ACO1: variants seen among roughly 807,000 people sequenced by gnomAD.
ACO1 encodes the protein aconitase 1.
In ACO1, 78 loss-of-function variants were observed where a neutral mutation model predicts 105.1. That is an observed-to-expected ratio of 0.74 (90% confidence interval 0.62 to 0.90). The LOEUF (loss-of-function observed/expected upper bound fraction) is 0.90. Ranked by LOEUF, ACO1 falls within the 40% of genes least tolerant of loss-of-function variation. The pLI is 0.00. For synonymous variants in ACO1, 364 were observed against 397.4 expected, an observed-to-expected ratio of 0.92 and a Z score of 1.00; for missense variants, 965 against 1,111.1, an observed-to-expected ratio of 0.87 and a Z score of 1.87.
intron 15 of ACO1, 130 bp from the exon 16 acceptor site, chr9:32,433,598 T>G: frequency 1.5e-6 from 1 of 656,176 alleles, no homozygotes. Context: ...AAGGAACTCT[T>G]GTATGTGGCT....
intron 1 of ACO1, among the ~76,000 whole-genome samples, chr9:32,393,940 CG>C (rs1821319213): frequency 6.6e-6 from 1 of 152,098 alleles, no homozygotes. Context: ...ATACCCCTAC[CG>C]GAATGATCTC....
At position 32,424,677 on chromosome 9, in the gene ACO1, C is replaced by G; in HGVS notation, c.1188+12C>G. On this transcript the variant is annotated intron_variant, in intron 10 of 20. Coordinates refer to ENST00000309951, the MANE Select transcript of ACO1 (RefSeq NM_002197.3). Reference sequence around the variant, plus strand: ...GCCTTGGAGCCAAGGTAGGGGCCTGCGGGAAGAGGTTGAATCCTCTCAACT... The same window carrying G: ...GCCTTGGAGCCAAGGTAGGGGCCTGGGGGAAGAGGTTGAATCCTCTCAACT... 1 of 1,583,068 alleles carries G rather than the reference C, an allele frequency of 6.3e-7. No homozygotes were observed. Among genetic ancestry groups the G allele is most frequent in the Non-Finnish European group, 8.7e-7 (1 of 1,153,570 alleles).
At chr9:32,425,274 T>C (rs1339608941) in intron 10 of ACO1, among the ~76,000 whole-genome samples, 2 of 152,222 alleles carry the variant, frequency 1.3e-5, no homozygotes, top group Non-Finnish European at 2.9e-5. Flanking sequence ...TTACATGCGG[T>C]AGATTTTCAA....
In ACO1 at chr9:32,408,655, A is replaced by T; in HGVS notation, c.404+4A>T. On this transcript the variant is annotated splice_donor_region_variant and intron_variant, in intron 4 of 20. Coordinates refer to ENST00000309951, the MANE Select transcript of ACO1 (RefSeq NM_002197.3). ...TCCAGGTTGATTTCAACAGAAGGTG[A>T]GAGATTAAAACGAATACCTGAGTGT... is the stretch of plus-strand genomic sequence containing the variant. 1 of 1,613,904 alleles carries T rather than the reference A, an allele frequency of 6.2e-7. No homozygotes were observed. Among genetic ancestry groups the T allele is most frequent in the Non-Finnish European group, 8.5e-7 (1 of 1,179,928 alleles).
At chr9:32,416,293 C>T (rs1177622121) in intron 4 of ACO1, among the ~76,000 whole-genome samples, 2 of 151,976 alleles carry the variant, frequency 1.3e-5, no homozygotes, top group East Asian at 1.9e-4. Context: ...TGGGGTTTCA[C>T]CATGTTGGCC....
intron 1 of ACO1, among the ~76,000 whole-genome samples, chr9:32,385,887 C>A (rs1472982303): frequency 6.6e-6 from 1 of 152,206 alleles, no homozygotes; most frequent in South Asian, 2.1e-4. Flanking sequence ...ATTCATTGGG[C>A]CTGCTTCTTG....
intron 1 of ACO1, among the ~76,000 whole-genome samples, chr9:32,399,010 T>A (rs1296847148): frequency 6.6e-6 from 1 of 152,222 alleles, no homozygotes; most frequent in Non-Finnish European, 1.5e-5. Flanking sequence ...GTCCATGATT[T>A]AAGATAATCA....
chr9:32,440,670 T>C, intron 19 of ACO1, 83 bp downstream of exon 19: 3 of 1,516,274 alleles, frequency 2.0e-6, no homozygotes, highest in South Asian at 2.5e-5. Context: ...TGCTTTACTT[T>C]CCAAGAAGAT....
chr9:32,438,697 T>C (rs1822415187), intron 18 of ACO1, among the ~76,000 whole-genome samples: 1 of 152,184 alleles, frequency 6.6e-6, no homozygotes, highest in Non-Finnish European at 1.5e-5. Context: ...GAAACATGTC[T>C]TAAATCACCA....
chr9:32,448,924 A>G lies in ACO1; in HGVS notation c.2399A>G (p.Tyr800Cys). ...ATCAAAGCCGTCCTGGCCGAGAGCTACGAGCGCATTCACCGCAGTAACCTG... is the reference window on the plus strand; with the variant it reads ...ATCAAAGCCGTCCTGGCCGAGAGCTGCGAGCGCATTCACCGCAGTAACCTG... ...LGIKAVLAES[Y>C]ERIHRSNLVG... is the part of the protein sequence containing the mutation. The change falls in exon 20 of 21, where the codon TAC becomes TGC. Residue 800 changes from tyrosine to cysteine, a missense_variant. By Grantham distance (194) the Tyr-to-Cys change is radical. Coordinates refer to ENST00000309951, the MANE Select transcript of ACO1 (RefSeq NM_002197.3). 6.2e-7 allele frequency: 1 copy of G among 1,614,232 alleles called. No individual in the cohort carries two copies. The highest frequency in any genetic ancestry group is 8.5e-7 in the Non-Finnish European group (1 of 1,180,044).
At chr9:32,430,116 C>CTGT (rs2118509879) in intron 13 of ACO1, among the ~76,000 whole-genome samples, 1 of 152,338 alleles carries the variant, frequency 6.6e-6, no homozygotes, top group African/African-American at 2.4e-5. Context: ...TAACGATCAA[C>CTGT]TGTTAGGTCT....
intron 12 of ACO1, among the ~76,000 whole-genome samples, chr9:32,429,203 G>A (rs1368804338): frequency 6.6e-6 from 1 of 152,058 alleles, no homozygotes; most frequent in African/African-American, 2.4e-5. Flanking sequence ...CATTCAATTT[G>A]ATTCCTTTTT....
chr9:32,401,629 C>T (rs1358250671), intron 1 of ACO1, among the ~76,000 whole-genome samples: 1 of 152,200 alleles, frequency 6.6e-6, no homozygotes, highest in Non-Finnish European at 1.5e-5. Flanking sequence ...AAAGGTGCTA[C>T]TCCAAGGCAC....
At chr9:32,393,261 G>T (rs531764857) in intron 1 of ACO1, among the ~76,000 whole-genome samples, 95 of 152,294 alleles carry the variant, frequency 6.2e-4, no homozygotes, top group African/African-American at 2.2e-3. Context: ...CTGAGAAAGA[G>T]AATGCGTCCC....
chr9:32,390,912 C>G (rs1260265341), intron 1 of ACO1, among the ~76,000 whole-genome samples: 1 of 152,184 alleles, frequency 6.6e-6, no homozygotes. Context: ...TCACCTCCCC[C>G]CACCAGGCGA....
chr9:32,434,492 A>C, intron 16 of ACO1, 67 bp from the exon 17 acceptor site: 17 of 1,592,172 alleles, frequency 1.1e-5, no homozygotes, highest in Non-Finnish European at 1.1e-5. Flanking sequence ...CCACCATCGT[A>C]GAGACTGATC....
At chr9:32,415,728 C>T (rs1034413140) in intron 4 of ACO1, among the ~76,000 whole-genome samples, 2 of 152,170 alleles carry the variant, frequency 1.3e-5, no homozygotes, top group African/African-American at 2.4e-5. Flanking sequence ...CCTCCTTTCT[C>T]TCCCTCTTTT....
At chr9:32,428,839 G>A (rs975677073) in intron 12 of ACO1, among the ~76,000 whole-genome samples, 1 of 146,104 alleles carries the variant, frequency 6.8e-6, no homozygotes, top group Non-Finnish European at 1.5e-5. Context: ...GCGAGACTCC[G>A]TCTCAAAAAA....
intron 17 of ACO1, chr9:32,435,944 G>C (rs1822346309): frequency 2.0e-6 from 1 of 512,306 alleles, no homozygotes; most frequent in East Asian, 5.1e-5. Flanking sequence ...AGCTTTATAG[G>C]CTACCCTACT....
Sources: allele counts gnomAD v4.1 joint callset (sites outside exome capture counted in the v4.1 genomes callset), GRCh38; gene constraint gnomAD v4.1.1; transcripts MANE v1.5; gene names NCBI Gene and HGNC (gene_info 2026-07-23, HGNC 2026-07-21).